Variants in RADIL observed in about 807,000 individuals in gnomAD.
RADIL encodes the protein ras-associating and dilute domain-containing protein.
Under a neutral mutation model 97.6 loss-of-function variants are expected in RADIL, and 99 were observed. That is an observed-to-expected ratio of 1.01 (90% CI 0.86 to 1.20). The LOEUF (loss-of-function observed/expected upper bound fraction) is 1.20, where lower values mean the gene tolerates loss of function less well. RADIL is among the 50% of genes most tolerant of loss of function. The pLI is 0.00. For synonymous variants in RADIL, 803 were observed against 691.8 expected (o/e 1.16, Z -2.52); for missense variants, 1,765 against 1,498.9 (o/e 1.18, Z -2.93).
At chr7:4,801,556 C>G in intron 12 of RADIL, 97 bp downstream of exon 12, 3 of 1,353,916 alleles carry the variant, frequency 2.2e-6, no homozygotes, top group Non-Finnish European at 3.0e-6. Flanking sequence ...GTAAGGAAAC[C>G]TAGGACCCAA....
intron 2 of RADIL, among the ~76,000 whole-genome samples, chr7:4,868,947 T>C (rs1016358875): frequency 4.6e-5 from 7 of 152,114 alleles, no homozygotes; most frequent in African/African-American, 1.7e-4. Context: ...ACTAACATGG[T>C]GAAACCCTGT....
At chr7:4,816,487 C>A (rs764169936) in intron 7 of RADIL, 22 bp from the exon 8 acceptor site, 19 of 1,579,196 alleles carry the variant, frequency 1.2e-5, no homozygotes, top group Non-Finnish European at 1.6e-5. Flanking sequence ...AAGAGGAGAA[C>A]AGCAACCAGC....
At chr7:4,860,169 A>G in intron 2 of RADIL, 9 of 1,614,016 alleles carry the variant, frequency 5.6e-6, no homozygotes, top group Non-Finnish European at 6.8e-6. Context: ...CTGCTAATCA[A>G]TGGGCCTGTC....
intron 2 of RADIL, among the ~76,000 whole-genome samples, chr7:4,850,923 C>A (rs543829443): frequency 3.9e-5 from 6 of 152,246 alleles, no homozygotes; most frequent in African/African-American, 1.4e-4. Context: ...AGTTCAGGGC[C>A]GAGTGTGGTG....
intron 2 of RADIL, among the ~76,000 whole-genome samples, chr7:4,845,891 G>A (rs1047795918): frequency 7.9e-5 from 12 of 152,158 alleles, no homozygotes; most frequent in African/African-American, 2.7e-4. Flanking sequence ...AGAGAGCAGC[G>A]TGGCGTAACC....
intron 2 of RADIL, chr7:4,859,806 G>T (rs1160961865): frequency 2.7e-6 from 2 of 749,854 alleles, no homozygotes; most frequent in Admixed American, 5.5e-5. Flanking sequence ...TAATGGAGTT[G>T]TACTTGTCTT....
At chr7:4,800,337 G>A (rs1214097777) in intron 12 of RADIL, 27 bp from the exon 13 acceptor site, 20 of 1,423,814 alleles carry the variant, frequency 1.4e-5, no homozygotes, top group East Asian at 2.8e-5. Flanking sequence ...AAAGGTGGGT[G>A]GGAGTGAGGC....
intron 2 of RADIL, chr7:4,859,729 G>C: frequency 5.0e-6 from 3 of 597,780 alleles, no homozygotes; most frequent in Non-Finnish European, 5.9e-6. Context: ...GGAGAACAGG[G>C]ATACCGGAAA....
Position 4,861,435 on chromosome 7 carries a change from C to A in RADIL, c.535+16170G>T, listed in dbSNP as rs764706001. The stretch of plus-strand genomic sequence containing the variant: ...AATGAGGTGAAAAAGTCGCTTCGAT[C>A]CACATGACTTGGTGCAACGCACAAG... On this transcript the variant is annotated intron_variant, in intron 2 of 14. Transcript: ENST00000399583. The A allele has an allele frequency of 1.4e-5, 22 of 1,614,160 alleles. No homozygotes were observed. The South Asian group carries it at 2.2e-4, about 16-fold the overall frequency.
rs1021101992 is a variant in RADIL at position 4,814,616 on chromosome 7, C to G, written c.2139+662G>C. Among the ~76,000 whole-genome samples, 1 of 152,182 alleles carries G rather than the reference C, an allele frequency of 6.6e-6. No homozygotes were observed. The highest frequency in any genetic ancestry group is 6.5e-5 in the Admixed American group (1 of 15,274). ...AGCAGGGAGGGGCATGTCGGTTTCC[C>G]ATTGCCGTTGTGACAAATGCCCACA... On this transcript the variant is annotated intron_variant, in intron 9 of 14. Transcript: ENST00000399583. This position sits in a 1 kb window ranked among gnomAD's most constrained non-coding sequence, Gnocchi z 4.5.
intron 2 of RADIL, chr7:4,859,268 G>A (rs1783911542): frequency 6.6e-6 from 1 of 152,560 alleles, no homozygotes; most frequent in Non-Finnish European, 1.5e-5. Context: ...TCTAAAATTA[G>A]TTCTACTTTC....
intron 4 of RADIL, among the ~76,000 whole-genome samples, chr7:4,833,432 C>T (rs773844444): frequency 1.1e-4 from 16 of 152,204 alleles, no homozygotes; most frequent in Non-Finnish European, 2.1e-4. Flanking sequence ...CATGACTGCA[C>T]GGAGGGGACA....
intron 13 of RADIL, 71 bp from the exon 14 acceptor site, chr7:4,799,840 C>T (rs1782019692): frequency 2.1e-6 from 3 of 1,436,566 alleles, no homozygotes; most frequent in South Asian, 2.9e-5. Context: ...CACTGCAGCC[C>T]CTCCCTTGGC....
At chr7:4,831,773 A>G (rs151085355) in intron 5 of RADIL, among the ~76,000 whole-genome samples, 1,794 of 151,980 alleles carry the variant, frequency 0.012, 36 homozygotes, top group African/African-American at 0.042. Flanking sequence ...CTGCAGTCCC[A>G]GCTACTCGGG....
intron 2 of RADIL, among the ~76,000 whole-genome samples, chr7:4,864,276 G>A (rs1253726320): frequency 6.6e-6 from 1 of 152,052 alleles, no homozygotes; most frequent in Non-Finnish European, 1.5e-5. Context: ...CCACATGTCT[G>A]GCCAGTCCTC....
intron 2 of RADIL, chr7:4,861,161 T>C: frequency 6.2e-7 from 1 of 1,614,254 alleles, no homozygotes; most frequent in Non-Finnish European, 8.5e-7. Context: ...GTTGTCAATG[T>C]TTGGCACTAG....
In RADIL at chr7:4,814,079, C is replaced by G. The variant is rs1370280044; in HGVS notation, c.2139+1199G>C. ...ACAGGCATGAGCCACCGTGCCTGGC[C>G]GAGTCAGCTTTCTTCAATCTGCTAA... On this transcript the variant is annotated intron_variant, in intron 9 of 14. Coordinates refer to ENST00000399583, the MANE Select transcript of RADIL (RefSeq NM_018059.5). The surrounding 1 kb of genome is among the most constrained non-coding windows in gnomAD (Gnocchi z 4.5). Among the ~76,000 whole-genome samples the G allele has an allele frequency of 6.6e-6, 1 of 152,140 alleles. No individual in the cohort carries two copies. Among genetic ancestry groups the G allele is most frequent in the Non-Finnish European group, 1.5e-5 (1 of 68,036 alleles).
At chr7:4,812,480 G>A (rs1396128235) in intron 9 of RADIL, among the ~76,000 whole-genome samples, 2 of 152,084 alleles carry the variant, frequency 1.3e-5, no homozygotes, top group Non-Finnish European at 2.9e-5. Flanking sequence ...GGAGTGCAAT[G>A]GCATGATCTC....
At chr7:4,846,305 C>T (rs573497457) in intron 2 of RADIL, among the ~76,000 whole-genome samples, 3 of 151,810 alleles carry the variant, frequency 2.0e-5, no homozygotes, top group East Asian at 1.9e-4. Flanking sequence ...TGCCTCCATG[C>T]CCAGCTAATT....
Sources: gnomAD v4.1 joint callset for allele counts (sites outside exome capture counted in the v4.1 genomes callset) on GRCh38, gnomAD v4.1.1 for gene constraint, Gnocchi (gnomAD v3.1) non-coding constraint, MANE v1.5 for transcripts, NCBI Gene and HGNC (gene_info 2026-07-23, HGNC 2026-07-21) for gene names.